Variants in AIRE observed in about 807,000 individuals in gnomAD.
The protein encoded by AIRE is autoimmune polyendocrinopathy candidiasis ectodermal dystrophy protein.
Under a neutral mutation model 62.1 loss-of-function variants are expected in AIRE, and 52 were observed. The observed-to-expected ratio is 0.84, with a 90% CI of 0.67 to 1.06. The LOEUF is 1.06. Among genes scored for constraint, AIRE ranks in the 50% least tolerant of loss-of-function variants. The pLI, the probability that AIRE is intolerant of heterozygous loss-of-function variation, is 0.00. For missense variants in AIRE, 774 were observed against 755.8 expected, an observed-to-expected ratio of 1.02 and a Z score of -0.28; for synonymous variants, 342 against 321.6, an observed-to-expected ratio of 1.06 and a Z score of -0.68.
intron 11 of AIRE, 130 bp downstream of exon 11, chr21:44,294,040 T>G: frequency 8.7e-7 from 1 of 1,151,162 alleles, no homozygotes; most frequent in Non-Finnish European, 1.2e-6. Context: ...ACCCACACCT[T>G]GCACCCCACC....
rs376060412 is a variant in AIRE at position 44,297,588 on chromosome 21, G to A, written c.1567-68G>A. 2.0e-4 allele frequency: 277 copies of A among 1,400,570 alleles called. No homozygotes were observed. The highest frequency in any genetic ancestry group is 2.4e-4 in the Non-Finnish European group (238 of 991,758). The allele number at this position is 1,400,570 out of a possible 1,614,324, so 86.8% of individuals were successfully genotyped here. ...AGGTTGGATGGTGACTTCTTGTAAC[G>A]ATGGCCATGATTCTGTGGCTGCGGC... On this transcript the variant is annotated intron_variant, in intron 13 of 13. Transcript: ENST00000291582. This position sits in a 1 kb window ranked among gnomAD's most constrained non-coding sequence, Gnocchi z 4.8.
At position 44,297,660 on chromosome 21, in the gene AIRE, C is replaced by G; in HGVS notation, c.1571C>G (p.Thr524Ser). The change falls in exon 14 of 14, where the codon ACC becomes AGC. Residue 524 changes from threonine to serine, a missense_variant. Physicochemically the swap from Thr to Ser is moderately conservative, Grantham distance 58. Transcript: ENST00000291582. This position sits in a 1 kb window ranked among gnomAD's most constrained non-coding sequence, Gnocchi z 4.8. The part of the protein sequence containing the change: ...DDLESLLSEH[T>S]FDGILQWAIQ... ...CACCGTCACTCTGTCCCGCAGCACACCTTCGATGGCATCCTGCAGTGGGCC... is the reference window on the plus strand; with the variant it reads ...CACCGTCACTCTGTCCCGCAGCACAGCTTCGATGGCATCCTGCAGTGGGCC... 6.2e-7 allele frequency: 1 copy of G among 1,612,042 alleles called. No individual in the cohort carries two copies. The highest frequency in any genetic ancestry group is 1.1e-5 in the South Asian group (1 of 91,086).
chr21:44,288,490 G>T (rs1413785591), intron 5 of AIRE, 32 bp downstream of exon 5: 2 of 1,476,576 alleles, frequency 1.4e-6, no homozygotes, highest in South Asian at 2.3e-5. Context: ...TGGGGCTGAT[G>T]GGGAGACCCA....
Position 44,297,402 on chromosome 21 carries a change from C to T in AIRE, c.1567-254C>T, listed in dbSNP as rs1601972947. Among the ~76,000 whole-genome samples, 1 of 151,700 alleles carries T rather than the reference C, an allele frequency of 6.6e-6. No individual in the cohort carries two copies. Among genetic ancestry groups the T allele is most frequent in the African/African-American group, 2.4e-5 (1 of 41,284 alleles). ...GGCTTATAGGATGTGGTGAAGTACACAGGACAGGGTCCTCGGTCTGGCCTG... is the reference window on the plus strand; with the variant it reads ...GGCTTATAGGATGTGGTGAAGTACATAGGACAGGGTCCTCGGTCTGGCCTG... On this transcript the variant is annotated intron_variant, in intron 13 of 13. Coordinates refer to ENST00000291582, the MANE Select transcript of AIRE (RefSeq NM_000383.4). This position sits in a 1 kb window ranked among gnomAD's most constrained non-coding sequence, Gnocchi z 4.8.
rs1825884509 is a variant in AIRE, at chr21:44,290,059, G to C, written c.870G>C (p.Gln290His). 1 of 1,611,770 alleles carries C rather than the reference G, an allele frequency of 6.2e-7. No homozygotes were observed. Among genetic ancestry groups the C allele is most frequent in the Non-Finnish European group, 8.5e-7 (1 of 1,179,510 alleles). The change falls in exon 7 of 14, where the codon CAG (glutamine) becomes CAC (histidine). Residue 290 changes from glutamine to histidine, a missense_variant. Coordinates refer to ENST00000291582, the MANE Select transcript of AIRE (RefSeq NM_000383.4). ...CTCTGGCCCTCCCCAGTGACCCCCAGCTCCACCAGGTAATGCCCTAGACCA... is the reference window on the plus strand; with the variant it reads ...CTCTGGCCCTCCCCAGTGACCCCCACCTCCACCAGGTAATGCCCTAGACCA... Reference protein sequence around the residue: ...PAPLALPSDPQLHQKNEDECA... With the variant: ...PAPLALPSDPHLHQKNEDECA...
chr21:44,296,740 C>T (rs1008454955), intron 13 of AIRE, among the ~76,000 whole-genome samples: 1 of 151,770 alleles, frequency 6.6e-6, no homozygotes, highest in Non-Finnish European at 1.5e-5. Flanking sequence ...CACACGGCCC[C>T]TCCCCTGAGG....
intron 7 of AIRE, chr21:44,290,277 G>T (rs1174907979): frequency 1.0e-6 from 1 of 985,304 alleles, no homozygotes; most frequent in Non-Finnish European, 1.2e-6. Context: ...AGAAAGTGAG[G>T]TCTTCTCAGG....
chr21:44,294,037 C>A (rs991724654), intron 11 of AIRE, 127 bp downstream of exon 11: 94 of 1,272,190 alleles, frequency 7.4e-5, no homozygotes, highest in Non-Finnish European at 9.9e-5. Flanking sequence ...CCCACCCACA[C>A]CTTGCACCCC....
rs2040563203 is a variant in AIRE at position 44,293,269 on chromosome 21, A to T, written c.1278+94A>T. ...CCTGAAACAGGAGGAGAGGGAGGCC[A>T]GGCGAGAAAGGCTCCGGGAGGCACA... On this transcript the variant is annotated intron_variant, in intron 10 of 13. Transcript: ENST00000291582. The T allele has an allele frequency of 1.2e-5, 12 of 1,041,966 alleles. 1 individual carries two copies. Among genetic ancestry groups the T allele is most frequent in the Admixed American group, 3.7e-5 (1 of 26,896 alleles). The allele number at this position is 1,041,966 out of a possible 1,614,324, so 64.5% of individuals were successfully genotyped here.
rs1250312097 is a variant in AIRE at position 44,294,478 on chromosome 21, C to G, written c.1478C>G (p.Ala493Gly). Reference protein sequence around the residue: ...PVEGVLAPSPARLAPGPAKDD... With the variant: ...PVEGVLAPSPGRLAPGPAKDD... ...GAGGGGGTGCTGGCCCCCAGCCCCGCCCGCCTGGCCCCTGGGCCTGCCAAG... is the reference window on the plus strand; with the variant it reads ...GAGGGGGTGCTGGCCCCCAGCCCCGGCCGCCTGGCCCCTGGGCCTGCCAAG... The change falls in exon 12 of 14, where the codon GCC becomes GGC. Residue 493 changes from alanine (A) to glycine (G), a missense_variant. By Grantham distance (60) the Ala-to-Gly change is moderately conservative. This residue lies in a region of AIRE where 354 missense variants were observed against 296.1 expected (regional missense o/e 1.20). Transcript: ENST00000291582. 1.3e-6 allele frequency: 2 copies of G among 1,533,670 alleles called. No homozygotes were observed. Among genetic ancestry groups the G allele is most frequent in the African/African-American group, 1.4e-5 (1 of 73,342 alleles).
intron 10 of AIRE, 73 bp from the exon 11 acceptor site, chr21:44,293,716 A>G (rs987212985): frequency 6.3e-7 from 1 of 1,589,182 alleles, no homozygotes; most frequent in East Asian, 2.2e-5. Flanking sequence ...GGGAGAGCGC[A>G]CAGGGCTCGG....
At position 44,298,174 on chromosome 21, in the gene AIRE, T is replaced by G. The variant is rs1159242355; in HGVS notation, c.*447T>G. On this transcript the variant is annotated 3_prime_UTR_variant, in exon 14 of 14. Coordinates refer to ENST00000291582, the MANE Select transcript of AIRE (RefSeq NM_000383.4). ...AAAAAAACCACATAACATAAATTTA[T>G]CATCTCGACCACTTTTCAGTTCAGT... 1 of 242,160 alleles carries G rather than the reference T, an allele frequency of 4.1e-6. No homozygotes were observed. Among genetic ancestry groups the G allele is most frequent in the African/African-American group, 2.3e-5 (1 of 44,068 alleles). The allele number at this position is 242,160 out of a possible 1,614,324, so 15.0% of individuals were successfully genotyped here.
At chr21:44,296,698 AGC>A in intron 13 of AIRE, among the ~76,000 whole-genome samples, 1 of 111,100 alleles carries the variant, frequency 9.0e-6, no homozygotes, top group African/African-American at 3.5e-5. Context: ...AGTGCTGCTG[AGC>A]GCCCCCAGCC....
rs1050524076 is a variant in AIRE, at chr21:44,297,575, G to A, written c.1567-81G>A. ...TGACTTAGAGGGAAGGTTGGATGGTGACTTCTTGTAACGATGGCCATGATT... is the reference window on the plus strand; with the variant it reads ...TGACTTAGAGGGAAGGTTGGATGGTAACTTCTTGTAACGATGGCCATGATT... On this transcript the variant is annotated intron_variant, in intron 13 of 13. Coordinates refer to ENST00000291582, the MANE Select transcript of AIRE (RefSeq NM_000383.4). This position sits in a 1 kb window ranked among gnomAD's most constrained non-coding sequence, Gnocchi z 4.8. 16 of 1,325,656 alleles carry A rather than the reference G, an allele frequency of 1.2e-5. No individual in the cohort carries two copies. Among genetic ancestry groups the A allele is most frequent in the Middle Eastern group, 1.8e-4 (1 of 5,514 alleles). 82.1% of individuals were successfully genotyped at this position (1,325,656 alleles called of 1,614,324 possible). A position where few individuals can be genotyped will look rare whatever the true frequency, so the allele number is the denominator to read the frequency against.
In AIRE at chr21:44,290,979, T is replaced by C. The variant is rs565153757; in HGVS notation, c.880-116T>C. The stretch of plus-strand genomic sequence containing the variant: ...GGCAGCATGGGAGCAGGGCAGAGAC[T>C]GGGGAGTTCAGGTACCCAGAGATGC... On this transcript the variant is annotated intron_variant, in intron 7 of 13. Transcript: ENST00000291582. 1.5e-5 allele frequency: 25 copies of C among 1,613,188 alleles called. No homozygotes were observed. The East Asian group carries it at 5.3e-4, about 35-fold the overall frequency.
intron 8 of AIRE, among the ~76,000 whole-genome samples, chr21:44,292,100 G>A (rs1252564264): frequency 1.3e-5 from 2 of 152,164 alleles, no homozygotes; most frequent in African/African-American, 2.4e-5. Flanking sequence ...CCCTGATCAC[G>A]CTGGCCAGGG....
chr21:44,296,521 C>A (rs1462937500), intron 13 of AIRE, 76 bp downstream of exon 13: 1 of 1,391,230 alleles, frequency 7.2e-7, no homozygotes, highest in African/African-American at 1.4e-5. Context: ...GCTCCCCACT[C>A]TGGGGGAGGA....
Position 44,287,671 on chromosome 21 carries a change from C to T in AIRE, c.538+80C>T, listed in dbSNP as rs2040497440. The T allele has an allele frequency of 1.4e-6, 2 of 1,390,780 alleles. No homozygotes were observed. Among genetic ancestry groups the T allele is most frequent in the Non-Finnish European group, 2.0e-6 (2 of 1,004,620 alleles). The allele number at this position is 1,390,780 out of a possible 1,614,324, so 86.2% of individuals were successfully genotyped here. A position where few individuals can be genotyped will look rare whatever the true frequency, so the allele number is the denominator to read the frequency against. On this transcript the variant is annotated intron_variant, in intron 4 of 13. Coordinates refer to ENST00000291582, the MANE Select transcript of AIRE (RefSeq NM_000383.4). This position sits in a 1 kb window ranked among gnomAD's most constrained non-coding sequence, Gnocchi z 4.3. Reference sequence around the variant, plus strand: ...CAGGGGTCAGAGCAGGGCCTGCCCTCTGAGACCCTGTCCTAGGGGCTGGGG... The same window carrying T: ...CAGGGGTCAGAGCAGGGCCTGCCCTTTGAGACCCTGTCCTAGGGGCTGGGG...
At chr21:44,294,962 C>CAGT (rs1381318326) in intron 12 of AIRE, among the ~76,000 whole-genome samples, 2 of 152,226 alleles carry the variant, frequency 1.3e-5, no homozygotes, top group Non-Finnish European at 2.9e-5. Flanking sequence ...CGGGTCCAGC[C>CAGT]AGTAGCTCTT....
Sources: gnomAD v4.1 joint callset for allele counts (sites outside exome capture counted in the v4.1 genomes callset) on GRCh38, gnomAD v4.1.1 for gene constraint, gnomAD v4.1.1 regional missense constraint, Gnocchi (gnomAD v3.1) non-coding constraint, MANE v1.5 for transcripts, NCBI Gene and HGNC (gene_info 2026-07-23, HGNC 2026-07-21) for gene names.